RBM6: variants seen among roughly 807,000 people sequenced by gnomAD.
The protein encoded by RBM6 is RNA-binding protein 6.
A neutral mutation model predicts 140.4 loss-of-function variants in RBM6; 23 were observed. The observed-to-expected ratio is 0.16, with a 90% CI of 0.12 to 0.23. RBM6 has a LOEUF of 0.23. Ranked by LOEUF, RBM6 falls within the 10% of genes least tolerant of loss-of-function variation. The pLI is 1.00. For synonymous variants in RBM6, 439 were observed against 475.6 expected, an observed-to-expected ratio of 0.92 and a Z score of 1.00; for missense variants, 1,139 against 1,386.7, an observed-to-expected ratio of 0.82 and a Z score of 2.84.
At chr3:50,051,161 A>G (rs543942247) in intron 7 of RBM6, among the ~76,000 whole-genome samples, 68 of 152,016 alleles carry the variant, frequency 4.5e-4, no homozygotes, top group Admixed American at 1.0e-3. Context: ...GCAACATGGC[A>G]AAACCCCATC....
At chr3:49,980,461 T>C (rs1318810611) in intron 5 of RBM6, among the ~76,000 whole-genome samples, 1 of 152,036 alleles carries the variant, frequency 6.6e-6, no homozygotes, top group Non-Finnish European at 1.5e-5. Context: ...CACAATGTTA[T>C]TAATAGTTGA....
chr3:49,984,614 TCG>T (rs879887119), intron 5 of RBM6, among the ~76,000 whole-genome samples: 78,583 of 127,808 alleles, frequency 0.61, 21,586 homozygotes, highest in African/African-American at 0.72. Context: ...TCACATCACA[TCG>T]CATCGCATCG....
intron 5 of RBM6, among the ~76,000 whole-genome samples, chr3:49,982,349 C>G (rs1057199349): frequency 4.2e-5 from 6 of 142,992 alleles, no homozygotes; most frequent in Non-Finnish European, 7.5e-5. Context: ...GTCAAGCAGT[C>G]CTCCCACCTT....
In RBM6 at chr3:49,975,368, T is replaced by G. The variant is rs1188419006; in HGVS notation, c.1459T>G (p.Leu487Val). ...TCCTGATGGCATGCCTGTAAAGAAC[T>G]TGCAGTTGAAGGAGTATAACACAGG... ...RTPDGMPVKN[L>V]QLKEYNTGYD... Residue 487 changes from leucine (L) to valine (V), a missense_variant, in exon 5 of 21, where the codon TTG (leucine) becomes GTG (valine). By Grantham distance (32) the Leu-to-Val change is conservative. This residue lies in a region of RBM6 where 566 missense variants were observed against 612.7 expected (regional missense o/e 0.92). Coordinates refer to ENST00000266022, the MANE Select transcript of RBM6 (RefSeq NM_005777.3). 6 of 1,613,914 alleles carry G rather than the reference T, an allele frequency of 3.7e-6. No individual in the cohort carries two copies. The highest frequency in any genetic ancestry group is 5.1e-6 in the Non-Finnish European group (6 of 1,179,770).
chr3:49,940,483 G>A lies in RBM6; in HGVS notation c.-67+258G>A, dbSNP rs1054469147. On this transcript the variant is annotated intron_variant, in intron 1 of 20. Transcript: ENST00000266022. ...GGCAGTAGATTACCGGTCCCGCCGCGGAGCGGCCAGCTGTGAGGCTGGGGC... is the reference window on the plus strand; with the variant it reads ...GGCAGTAGATTACCGGTCCCGCCGCAGAGCGGCCAGCTGTGAGGCTGGGGC... 5.2e-5 allele frequency: 8 copies of A among 154,894 alleles called. No individual in the cohort carries two copies. In the Middle Eastern group the frequency reaches 1.6e-3, roughly 31 times the overall value. 9.6% of individuals were successfully genotyped at this position (154,894 alleles called of 1,614,324 possible). A position where few individuals can be genotyped will look rare whatever the true frequency, so the allele number is the denominator to read the frequency against.
chr3:50,060,211 C>T (rs2108916877), intron 11 of RBM6, among the ~76,000 whole-genome samples: 1 of 152,322 alleles, frequency 6.6e-6, no homozygotes, highest in South Asian at 2.1e-4. Flanking sequence ...CATGTCAATA[C>T]ATTCTTGCCC....
At chr3:50,031,509 C>G (rs1349258875) in intron 6 of RBM6, among the ~76,000 whole-genome samples, 1 of 150,510 alleles carries the variant, frequency 6.6e-6, no homozygotes, top group Non-Finnish European at 1.5e-5. Flanking sequence ...CATGTTCTCA[C>G]TTATACGTGG....
intron 19 of RBM6, among the ~76,000 whole-genome samples, chr3:50,070,774 G>A (rs2090275839): frequency 6.6e-6 from 1 of 152,208 alleles, no homozygotes; most frequent in African/African-American, 2.4e-5. Flanking sequence ...CCCAAAGCCA[G>A]GGCTGGAGTA....
In RBM6 at chr3:49,982,071, A is replaced by G. The variant is rs2085328067; in HGVS notation, c.1483+6679A>G. Among the ~76,000 whole-genome samples the G allele has an allele frequency of 2.0e-5, 3 of 152,134 alleles. No homozygotes were observed. The South Asian group carries it at 6.2e-4, about 32-fold the overall frequency. ...GGTGGTGTTAGTAGGAAGAAGCAAT[A>G]TCTTGCTTTAGCCCGTCAGTGTTCA... On this transcript the variant is annotated intron_variant, in intron 5 of 20. Transcript: ENST00000266022.
At chr3:49,984,585 G>C (rs990285954) in intron 5 of RBM6, among the ~76,000 whole-genome samples, 1 of 134,724 alleles carries the variant, frequency 7.4e-6, no homozygotes, top group Non-Finnish European at 1.6e-5. Context: ...TGTCTAACGT[G>C]ACATCACATC....
intron 6 of RBM6, among the ~76,000 whole-genome samples, chr3:50,020,868 T>C (rs1458369755): frequency 6.6e-6 from 1 of 152,210 alleles, no homozygotes; most frequent in Non-Finnish European, 1.5e-5. Flanking sequence ...CACCATCATA[T>C]ATGCAAGCCC....
At chr3:50,002,099 T>C (rs978599089) in intron 6 of RBM6, among the ~76,000 whole-genome samples, 1 of 152,198 alleles carries the variant, frequency 6.6e-6, no homozygotes, top group Admixed American at 6.5e-5. Flanking sequence ...CAATTATAAA[T>C]TTTGTGTGTG....
intron 5 of RBM6, among the ~76,000 whole-genome samples, chr3:49,978,088 A>AC (rs2108661712): frequency 6.6e-6 from 1 of 152,050 alleles, no homozygotes; most frequent in African/African-American, 2.4e-5. Flanking sequence ...GTAACCTCAA[A>AC]CCCCTCGGCT....
At chr3:50,068,578 C>G (rs1340295393) in intron 17 of RBM6, 112 bp from the exon 18 acceptor site, 1 of 883,858 alleles carries the variant, frequency 1.1e-6, no homozygotes, top group African/African-American at 1.7e-5. Flanking sequence ...TTTAGTAGAT[C>G]TGATCAATCA....
intron 10 of RBM6, among the ~76,000 whole-genome samples, chr3:50,059,133 C>G (rs1255481370): frequency 6.6e-6 from 1 of 152,068 alleles, no homozygotes; most frequent in Non-Finnish European, 1.5e-5. Context: ...AATCTGAGTA[C>G]TGAATCCTTC....
intron 6 of RBM6, among the ~76,000 whole-genome samples, chr3:50,005,792 G>A (rs2086543478): frequency 6.6e-6 from 1 of 152,104 alleles, no homozygotes. Flanking sequence ...CTTATGGCTG[G>A]AATCATGCCA....
intron 1 of RBM6, among the ~76,000 whole-genome samples, chr3:49,960,877 A>T (rs540534784): frequency 1.3e-5 from 2 of 151,278 alleles, no homozygotes; most frequent in Non-Finnish European, 2.9e-5. Flanking sequence ...AAGCATTCAT[A>T]GCACATTGAA....
chr3:49,944,277 T>G (rs1371290910), intron 1 of RBM6, among the ~76,000 whole-genome samples: 1 of 152,146 alleles, frequency 6.6e-6, no homozygotes, highest in East Asian at 1.9e-4. Context: ...CTTATTTTAC[T>G]TAGCATAATA....
chr3:50,068,995 G>T (rs991876055), intron 18 of RBM6, among the ~76,000 whole-genome samples: 1 of 152,062 alleles, frequency 6.6e-6, no homozygotes, highest in Admixed American at 6.6e-5. Flanking sequence ...GTGGTGTTAG[G>T]GTCTCTAGGT....
Sources: gnomAD v4.1 joint callset for allele counts (sites outside exome capture counted in the v4.1 genomes callset) on GRCh38, gnomAD v4.1.1 for gene constraint, gnomAD v4.1.1 regional missense constraint, MANE v1.5 for transcripts, NCBI Gene and HGNC (gene_info 2026-07-23, HGNC 2026-07-21) for gene names.